KIAA1328: variants seen among roughly 807,000 people sequenced by gnomAD.
The protein encoded by KIAA1328 is KIAA1328, also known as protein hinderin.
In KIAA1328, 52 loss-of-function variants were observed where a neutral mutation model predicts 68.1. The ratio of observed to expected loss-of-function variants is 0.76; its 90% CI spans 0.61 to 0.96. The LOEUF is 0.96. KIAA1328 is among the 40% of genes least tolerant of loss of function. The pLI is 0.00. For missense variants in KIAA1328, 641 were observed against 677.6 expected (o/e 0.95, Z 0.60); for synonymous variants, 232 against 239.4 (o/e 0.97, Z 0.28).
chr18:36,856,408 T>G (rs1470124215), intron 4 of KIAA1328, among the ~76,000 whole-genome samples: 1 of 152,180 alleles, frequency 6.6e-6, no homozygotes, highest in Non-Finnish European at 1.5e-5. Context: ...TTGTCCCACC[T>G]TCAAGTTTGC....
chr18:37,013,855 A>G (rs780698912), intron 6 of KIAA1328, among the ~76,000 whole-genome samples: 1 of 152,186 alleles, frequency 6.6e-6, no homozygotes, highest in Non-Finnish European at 1.5e-5. Flanking sequence ...TTTTGCATAC[A>G]TACCCAGTAA....
intron 6 of KIAA1328, among the ~76,000 whole-genome samples, chr18:37,034,580 C>G (rs1400213139): frequency 6.6e-6 from 1 of 152,106 alleles, no homozygotes; most frequent in African/African-American, 2.4e-5. Flanking sequence ...ACAGTTAACT[C>G]TTAATACAAA....
intron 6 of KIAA1328, among the ~76,000 whole-genome samples, chr18:36,983,942 A>G (rs1330076608): frequency 1.3e-5 from 2 of 152,190 alleles, no homozygotes; most frequent in Non-Finnish European, 2.9e-5. Context: ...ATACAGGTTT[A>G]ATTTAGCATT....
Position 37,084,481 on chromosome 18 carries a change from T to G in KIAA1328, c.1232+16936T>G, listed in dbSNP as rs542765047. 21 of 239,446 alleles carry G rather than the reference T, an allele frequency of 8.8e-5. No homozygotes were observed. The South Asian group carries it at 9.5e-4, about 11-fold the overall frequency. 14.8% of individuals were successfully genotyped at this position (239,446 alleles called of 1,614,324 possible). A position where few individuals can be genotyped will look rare whatever the true frequency, so the allele number is the denominator to read the frequency against. ...CTATTTCTTTTTTGTTTTTTGTTTT[T>G]TTTTTTTTTTTGGTGCGGTATTATA... is the stretch of plus-strand genomic sequence containing the variant. On this transcript the variant is annotated intron_variant, in intron 7 of 9. Transcript: ENST00000280020.
At chr18:37,177,631 A>G (rs1033377320) in intron 9 of KIAA1328, among the ~76,000 whole-genome samples, 1 of 152,180 alleles carries the variant, frequency 6.6e-6, no homozygotes, top group Non-Finnish European at 1.5e-5. Flanking sequence ...TTTTAAAGAA[A>G]GATGAGTTTT....
At chr18:37,206,507 G>C (rs2060218677) in intron 9 of KIAA1328, among the ~76,000 whole-genome samples, 1 of 152,136 alleles carries the variant, frequency 6.6e-6, no homozygotes, top group South Asian at 2.1e-4. Flanking sequence ...TTTTGTTCCT[G>C]CTGTCATTTA....
chr18:37,127,951 C>A (rs1453724785), intron 7 of KIAA1328, among the ~76,000 whole-genome samples: 1 of 151,508 alleles, frequency 6.6e-6, no homozygotes, highest in African/African-American at 2.4e-5. Flanking sequence ...AAAAGTGCCA[C>A]AATAATTCCA....
intron 4 of KIAA1328, among the ~76,000 whole-genome samples, chr18:36,875,381 G>T (rs11876160): frequency 6.6e-6 from 1 of 151,688 alleles, no homozygotes; most frequent in Non-Finnish European, 1.5e-5. Context: ...GAGGTCCTTT[G>T]CAACCCTTGT....
chr18:36,920,038 G>T (rs779151690), intron 5 of KIAA1328, among the ~76,000 whole-genome samples: 5 of 152,106 alleles, frequency 3.3e-5, no homozygotes, highest in Non-Finnish European at 5.9e-5. Context: ...TTACTCTGTT[G>T]ATAGTTTCTT....
chr18:37,132,593 G>A (rs1438453415), intron 7 of KIAA1328, among the ~76,000 whole-genome samples: 1 of 152,134 alleles, frequency 6.6e-6, no homozygotes, highest in South Asian at 2.1e-4. Context: ...CAGTAAATGG[G>A]GAATATGCAT....
intron 6 of KIAA1328, among the ~76,000 whole-genome samples, chr18:36,967,782 C>T (rs939429692): frequency 6.6e-5 from 10 of 152,082 alleles, no homozygotes; most frequent in Non-Finnish European, 1.2e-4. Context: ...TCATGGCCTT[C>T]AGTGACTCCT....
chr18:36,845,175 G>T (rs2046986070), intron 4 of KIAA1328, among the ~76,000 whole-genome samples: 1 of 151,714 alleles, frequency 6.6e-6, no homozygotes, highest in Non-Finnish European at 1.5e-5. Context: ...TACAGGGTGT[G>T]AGAATTCAAA....
chr18:36,981,838 C>A (rs2052700637), intron 6 of KIAA1328, among the ~76,000 whole-genome samples: 1 of 150,370 alleles, frequency 6.7e-6, no homozygotes, highest in South Asian at 2.1e-4. Context: ...CTCAAGTGAT[C>A]CACCTCAGCC....
rs181881183 is a variant in KIAA1328 at position 37,111,157 on chromosome 18, T to C, written c.1232+43612T>C. Among the ~76,000 whole-genome samples the C allele has an allele frequency of 2.6e-5, 4 of 152,268 alleles. No homozygotes were observed. The East Asian group carries it at 7.7e-4, about 29-fold the overall frequency. On this transcript the variant is annotated intron_variant, in intron 7 of 9. Coordinates refer to ENST00000280020, the MANE Select transcript of KIAA1328 (RefSeq NM_020776.3). The stretch of plus-strand genomic sequence containing the variant: ...ATATTATAAGATATATTGCAAGGAA[T>C]TTGCTTACACAGCTGTCCATGCTGG...
At chr18:36,837,882 C>A (rs2046733180) in intron 3 of KIAA1328, among the ~76,000 whole-genome samples, 1 of 152,122 alleles carries the variant, frequency 6.6e-6, no homozygotes. Flanking sequence ...TGTCAAATAT[C>A]TGTTGACCAT....
intron 7 of KIAA1328, among the ~76,000 whole-genome samples, chr18:37,120,535 A>G (rs2058243101): frequency 6.6e-6 from 1 of 152,160 alleles, no homozygotes; most frequent in South Asian, 2.1e-4. Context: ...TCACTTTGTT[A>G]GTAAAGTTGG....
intron 4 of KIAA1328, among the ~76,000 whole-genome samples, chr18:36,860,440 A>G (rs2047527752): frequency 6.6e-6 from 1 of 152,088 alleles, no homozygotes; most frequent in African/African-American, 2.4e-5. Context: ...TTAGTTTTAT[A>G]CAATTATAGC....
intron 6 of KIAA1328, among the ~76,000 whole-genome samples, chr18:37,024,970 T>C (rs958430114): frequency 3.3e-5 from 5 of 152,204 alleles, no homozygotes; most frequent in South Asian, 2.1e-4. Flanking sequence ...TCCACAGTGG[T>C]TGAACAAGTT....
At chr18:36,843,462 G>A (rs762052407) in intron 3 of KIAA1328, among the ~76,000 whole-genome samples, 1 of 152,096 alleles carries the variant, frequency 6.6e-6, no homozygotes, top group Non-Finnish European at 1.5e-5. Flanking sequence ...GACTCCCTGA[G>A]TTTATGTCTT....
Sources: allele counts gnomAD v4.1 joint callset (sites outside exome capture counted in the v4.1 genomes callset), GRCh38; gene constraint gnomAD v4.1.1; transcripts MANE v1.5; gene names NCBI Gene and HGNC (gene_info 2026-07-23, HGNC 2026-07-21).